The following XPR1 variants were observed in gnomAD, a reference collection of about 807,000 sequenced individuals.
XPR1 encodes the protein xenotropic and polytropic retrovirus receptor 1.
Under a neutral mutation model 87.5 loss-of-function variants are expected in XPR1, and 28 were observed. The ratio of observed to expected loss-of-function variants is 0.32; its 90% CI spans 0.24 to 0.44. The LOEUF (loss-of-function observed/expected upper bound fraction) is 0.44, where lower values mean the gene tolerates loss of function less well. XPR1 is among the 20% of genes least tolerant of loss of function. The probability of loss-of-function intolerance (pLI) is 1.00; values close to 1 mark genes in which losing one functional copy is unlikely to be tolerated. For missense variants in XPR1, 559 were observed against 862.3 expected (o/e 0.65, Z 4.41); for synonymous variants, 300 against 306.1 (o/e 0.98, Z 0.21).
Position 180,679,348 on chromosome 1 carries a change from A to G in XPR1, c.70-3012A>G, listed in dbSNP as rs138646764. ...ACATTCGGCAATGTTTAGTTTTCAC[A>G]GCTGGAGGGTGAGGATTGATACTGT... is the stretch of plus-strand genomic sequence containing the variant. On this transcript the variant is annotated intron_variant, in intron 1 of 14. Transcript: ENST00000367590. Among the ~76,000 whole-genome samples the G allele has an allele frequency of 7.4e-3, 1,130 of 152,308 alleles. 6 individuals are homozygous for G. The highest frequency in any genetic ancestry group is 0.011 in the South Asian group (55 of 4,830).
intron 12 of XPR1, among the ~76,000 whole-genome samples, chr1:180,866,833 C>CT (rs1341643641): frequency 8.0e-5 from 10 of 125,166 alleles, no homozygotes; most frequent in African/African-American, 1.6e-4. Flanking sequence ...TTATTATACT[C>CT]TAAGTTTTAG....
At chr1:180,656,212 G>T (rs1571685427) in intron 1 of XPR1, among the ~76,000 whole-genome samples, 1 of 146,284 alleles carries the variant, frequency 6.8e-6, no homozygotes, top group Non-Finnish European at 1.5e-5. Flanking sequence ...TTGTCTTTCT[G>T]TGCCTGGCCT....
At chr1:180,835,161 A>T (rs1451829968) in intron 10 of XPR1, 116 bp downstream of exon 10, 1 of 1,148,008 alleles carries the variant, frequency 8.7e-7, no homozygotes, top group African/African-American at 1.6e-5. Context: ...AATATTATAA[A>T]CTTAATTTAA....
At chr1:180,770,382 T>C (rs775814968) in intron 2 of XPR1, among the ~76,000 whole-genome samples, 8 of 152,120 alleles carry the variant, frequency 5.3e-5, no homozygotes, top group Non-Finnish European at 1.0e-4. Context: ...ATTTCCTTGA[T>C]TTGTGCATGT....
intron 3 of XPR1, among the ~76,000 whole-genome samples, chr1:180,794,767 A>G (rs548097699): frequency 2.0e-5 from 3 of 152,338 alleles, no homozygotes; most frequent in Non-Finnish European, 4.4e-5. Flanking sequence ...AAATCTATCC[A>G]GATGCACAGT....
chr1:180,769,901 A>G (rs538862735), intron 2 of XPR1, among the ~76,000 whole-genome samples: 2 of 152,304 alleles, frequency 1.3e-5, no homozygotes, highest in Admixed American at 1.3e-4. Flanking sequence ...TCAACAGTGT[A>G]TGAGGGTTCC....
intron 9 of XPR1, among the ~76,000 whole-genome samples, chr1:180,830,175 T>G (rs1651005177): frequency 6.6e-6 from 1 of 152,198 alleles, no homozygotes; most frequent in Non-Finnish European, 1.5e-5. Flanking sequence ...CAGAAACTGG[T>G]GCCAGAGCTT....
At chr1:180,753,237 A>G (rs1647599054) in intron 2 of XPR1, among the ~76,000 whole-genome samples, 1 of 152,202 alleles carries the variant, frequency 6.6e-6, no homozygotes, top group African/African-American at 2.4e-5. Context: ...AAGTAGAGCA[A>G]TTGAAAAGTA....
At chr1:180,675,332 A>G (rs1656329759) in intron 1 of XPR1, among the ~76,000 whole-genome samples, 1 of 152,182 alleles carries the variant, frequency 6.6e-6, no homozygotes, top group African/African-American at 2.4e-5. Context: ...TCAATTATGT[A>G]TTAGTCTCTT....
intron 2 of XPR1, among the ~76,000 whole-genome samples, chr1:180,707,255 TG>T (rs1657589777): frequency 6.6e-6 from 1 of 152,184 alleles, no homozygotes; most frequent in Admixed American, 6.5e-5. Flanking sequence ...GTTTAAATCA[TG>T]GGGATTTGTT....
At chr1:180,688,452 G>A (rs1188694613) in intron 2 of XPR1, among the ~76,000 whole-genome samples, 4 of 152,020 alleles carry the variant, frequency 2.6e-5, no homozygotes, top group Non-Finnish European at 5.9e-5. Context: ...TCTGCAGAAA[G>A]ACTTGTAAAT....
At chr1:180,725,557 T>C (rs1658310459) in intron 2 of XPR1, among the ~76,000 whole-genome samples, 2 of 152,236 alleles carry the variant, frequency 1.3e-5, no homozygotes, top group African/African-American at 2.4e-5. Flanking sequence ...TTTGCTTCCC[T>C]CAGCTGAATT....
At chr1:180,635,369 T>C (rs1419663701) in intron 1 of XPR1, among the ~76,000 whole-genome samples, 3 of 152,224 alleles carry the variant, frequency 2.0e-5, no homozygotes, top group African/African-American at 7.2e-5. Context: ...ATTTTAAAGC[T>C]CTGCAATTGA....
At chr1:180,648,955 AT>A (rs1390010426) in intron 1 of XPR1, among the ~76,000 whole-genome samples, 1 of 152,054 alleles carries the variant, frequency 6.6e-6, no homozygotes, top group Non-Finnish European at 1.5e-5. Context: ...TTATGTATGT[AT>A]TTTTTGCAGT....
intron 14 of XPR1, among the ~76,000 whole-genome samples, chr1:180,883,640 C>T (rs1161724928): frequency 3.4e-5 from 5 of 148,156 alleles, no homozygotes; most frequent in African/African-American, 7.5e-5. Flanking sequence ...GCCTGGGAAA[C>T]GGAGGTTGCA....
intron 1 of XPR1, among the ~76,000 whole-genome samples, chr1:180,681,709 C>T (rs372903721): frequency 6.6e-6 from 1 of 151,934 alleles, no homozygotes; most frequent in Non-Finnish European, 1.5e-5. Context: ...ACTCTCTCTC[C>T]CAGGCTGGGG....
chr1:180,711,070 G>C (rs962880983), intron 2 of XPR1, among the ~76,000 whole-genome samples: 11 of 148,704 alleles, frequency 7.4e-5, no homozygotes, highest in African/African-American at 2.7e-4. Flanking sequence ...GCCGGGCAGA[G>C]ACGCTCCTCA....
chr1:180,792,904 TA>T (rs111352180), intron 3 of XPR1, among the ~76,000 whole-genome samples: 8 of 151,162 alleles, frequency 5.3e-5, no homozygotes, highest in South Asian at 2.1e-4. Context: ...TGCCTAATGT[TA>T]AAAAAAAAGT....
At position 180,839,662 on chromosome 1, in the gene XPR1, G is replaced by A. The variant is rs1651436254; in HGVS notation, c.1501+2946G>A. 2.0e-5 allele frequency among the ~76,000 whole-genome samples: 3 copies of A among 152,258 alleles called. 1 individual carries two copies. The highest frequency in any genetic ancestry group is 4.1e-4 in the South Asian group (2 of 4,824). On this transcript the variant is annotated intron_variant, in intron 11 of 14. Coordinates refer to ENST00000367590, the MANE Select transcript of XPR1 (RefSeq NM_004736.4). The stretch of plus-strand genomic sequence containing the variant: ...ATTAATAAAAGAAACGGTTTGTTAT[G>A]TACACAGAGGTCTTCATAGAAAGGA...
Sources: allele counts gnomAD v4.1 joint callset (sites outside exome capture counted in the v4.1 genomes callset), GRCh38; gene constraint gnomAD v4.1.1; transcripts MANE v1.5; gene names NCBI Gene and HGNC (gene_info 2026-07-23, HGNC 2026-07-21).